Variants in UACA observed in about 807,000 individuals in gnomAD.
UACA encodes the protein nuclear membrane binding protein.
Under a neutral mutation model 160.5 loss-of-function variants are expected in UACA, and 112 were observed. The observed-to-expected ratio is 0.70, with a 90% confidence interval of 0.60 to 0.82. The LOEUF is 0.82. Ranked by LOEUF, UACA falls within the 40% of genes least tolerant of loss-of-function variation. The pLI, the probability that UACA is intolerant of heterozygous loss-of-function variation, is 0.00. For synonymous variants in UACA, 557 were observed against 568.4 expected (o/e 0.98, Z 0.29); for missense variants, 1,574 against 1,614.6 (o/e 0.97, Z 0.43).
intron 1 of UACA, among the ~76,000 whole-genome samples, chr15:70,740,679 G>C (rs1899505285): frequency 6.6e-6 from 1 of 150,460 alleles, no homozygotes; most frequent in Non-Finnish European, 1.5e-5. Flanking sequence ...TGGAGTTTTA[G>C]GGCAAAAATA....
upstream of UACA, chr15:70,763,629 A>G (rs2141022730): frequency 1.2e-6 from 1 of 833,522 alleles, no homozygotes; most frequent in East Asian, 3.4e-5. Context: ...GCAAACCGCG[A>G]CCAATCGGAA....
chr15:70,726,198 G>C (rs185972896), intron 1 of UACA, among the ~76,000 whole-genome samples: 10 of 152,102 alleles, frequency 6.6e-5, no homozygotes, highest in Non-Finnish European at 1.0e-4. Flanking sequence ...TAATACATCA[G>C]TGAACTTTCA....
chr15:70,753,288 T>TTTTTC (rs753714182), intron 1 of UACA, among the ~76,000 whole-genome samples: 1 of 152,194 alleles, frequency 6.6e-6, no homozygotes, highest in African/African-American at 2.4e-5. Context: ...CCAAACTATT[T>TTTTTC]TTTTCTATCA....
chr15:70,753,046 A>C (rs150702864), intron 1 of UACA, among the ~76,000 whole-genome samples: 4 of 152,354 alleles, frequency 2.6e-5, no homozygotes, highest in African/African-American at 9.6e-5. Flanking sequence ...TGTTTTAAAT[A>C]TCAGGGAAGG....
At chr15:70,713,662 A>G (rs1256373143) in intron 1 of UACA, among the ~76,000 whole-genome samples, 1 of 152,208 alleles carries the variant, frequency 6.6e-6, no homozygotes, top group African/African-American at 2.4e-5. Context: ...TAGTTTCATG[A>G]AGTTCTTTTG....
At chr15:70,746,727 C>T (rs1031519244) in intron 1 of UACA, among the ~76,000 whole-genome samples, 7 of 152,096 alleles carry the variant, frequency 4.6e-5, no homozygotes, top group South Asian at 2.1e-4. Context: ...AGACTTGGTA[C>T]CAACCCAAAT....
rs1264885939 is a variant in UACA, at chr15:70,687,627, A to G, written c.515T>C (p.Val172Ala). The G allele has an allele frequency of 1.2e-6, 2 of 1,613,962 alleles. No homozygotes were observed. The highest frequency in any genetic ancestry group is 2.2e-5 in the East Asian group (1 of 44,876). ...AKDVDGRTPL[V>A]LATQMSRPTI... ...TGGCCTACTCATCTGAGTAGCCAGA[A>G]CAAGTGGTGTCCGCCCGTCCTAAGC... Residue 172 changes from valine (V) to alanine (A), a missense_variant, in exon 7 of 19, where the codon GTT becomes GCT. Val to Ala is a moderately conservative substitution (Grantham distance 64, BLOSUM62 0). Coordinates refer to ENST00000322954, the MANE Select transcript of UACA (RefSeq NM_018003.4).
the UACA span, among the ~76,000 whole-genome samples, chr15:70,772,993 G>C: frequency 6.6e-6 from 1 of 151,372 alleles, no homozygotes; most frequent in Non-Finnish European, 1.5e-5. Flanking sequence ...GAACGCTGAG[G>C]CAGGATTGTG....
chr15:70,678,193 T>C lies in UACA; in HGVS notation c.905A>G (p.Glu302Gly). 1 of 1,609,548 alleles carries C rather than the reference T, an allele frequency of 6.2e-7. No individual in the cohort carries two copies. The highest frequency in any genetic ancestry group is 8.5e-7 in the Non-Finnish European group (1 of 1,178,532). ...CAACCTCTCTTTCAAATCTTCATTT[T>C]CAATCTCCAAATCCTTAAATAATAA... is the stretch of plus-strand genomic sequence containing the variant. ...EHQNIQDLEIENEDLKERLRK... is the reference protein window; with the variant it reads ...EHQNIQDLEIGNEDLKERLRK... Residue 302 changes from glutamate (E) to glycine (G), a missense_variant, in exon 11 of 19, where the codon GAA becomes GGA. Transcript: ENST00000322954.
chr15:70,768,810 T>A, the UACA span, among the ~76,000 whole-genome samples: 4 of 152,142 alleles, frequency 2.6e-5, no homozygotes, highest in Non-Finnish European at 5.9e-5. Flanking sequence ...GTTCCTTGAT[T>A]TTAAACTTAA....
At chr15:70,660,129 C>A (rs1880855957) in intron 18 of UACA, 22 bp downstream of exon 18, 1 of 1,586,328 alleles carries the variant, frequency 6.3e-7, no homozygotes, top group Non-Finnish European at 8.6e-7. Context: ...ATATTCTTTC[C>A]AAAGGAGAAG....
At chr15:70,759,260 C>G (rs1278453114) in intron 1 of UACA, among the ~76,000 whole-genome samples, 1 of 152,204 alleles carries the variant, frequency 6.6e-6, no homozygotes, top group Non-Finnish European at 1.5e-5. Flanking sequence ...TCTCACTATA[C>G]ATATAACTGA....
chr15:70,725,086 CA>C (rs530104280), intron 1 of UACA, among the ~76,000 whole-genome samples: 95 of 135,302 alleles, frequency 7.0e-4, no homozygotes, highest in Middle Eastern at 3.8e-3. Flanking sequence ...AGCAAGATCT[CA>C]AAAAAAAAAA....
At chr15:70,752,179 GGC>G (rs2030117487) in intron 1 of UACA, among the ~76,000 whole-genome samples, 2 of 150,260 alleles carry the variant, frequency 1.3e-5, no homozygotes, top group African/African-American at 4.9e-5. Context: ...CAGAGGTTGC[GGC>G]GAGCCAAGAT....
intron 1 of UACA, among the ~76,000 whole-genome samples, chr15:70,726,844 T>A (rs1213431981): frequency 2.0e-5 from 3 of 152,048 alleles, no homozygotes; most frequent in African/African-American, 7.2e-5. Flanking sequence ...TCACAGGAAA[T>A]AATGGGAACC....
chr15:70,677,925 T>C (rs1244149821), intron 11 of UACA, among the ~76,000 whole-genome samples, 174 bp downstream of exon 11: 1 of 152,164 alleles, frequency 6.6e-6, no homozygotes, highest in African/African-American at 2.4e-5. Flanking sequence ...CTGTCCTTAC[T>C]TGTTAGCTTA....
chr15:70,699,135 A>G (rs532648008), intron 2 of UACA, among the ~76,000 whole-genome samples: 16 of 152,196 alleles, frequency 1.1e-4, no homozygotes, highest in Non-Finnish European at 1.6e-4. Flanking sequence ...TTGGGTTCAC[A>G]TTCCAGCTCT....
intron 9 of UACA, 30 bp downstream of exon 9, chr15:70,682,728 T>C (rs752557807): frequency 7.0e-6 from 10 of 1,420,608 alleles, no homozygotes; most frequent in South Asian, 5.6e-5. Flanking sequence ...ACAATACATA[T>C]AATTATTTAA....
At chr15:70,711,391 G>A (rs1898677193) in intron 1 of UACA, among the ~76,000 whole-genome samples, 2 of 152,058 alleles carry the variant, frequency 1.3e-5, no homozygotes, top group South Asian at 4.2e-4. Flanking sequence ...GCCGGGCACG[G>A]TGGCTCACAC....
Sources: allele counts gnomAD v4.1 joint callset (sites outside exome capture counted in the v4.1 genomes callset), GRCh38; gene constraint gnomAD v4.1.1; transcripts MANE v1.5; gene names NCBI Gene and HGNC (gene_info 2026-07-23, HGNC 2026-07-21).